Variants in SKI observed in about 807,000 individuals in gnomAD.
SKI encodes the protein SKI proto-oncogene.
SKI carries 23 observed loss-of-function variants against 59.3 expected under a neutral mutation model. The observed-to-expected ratio is 0.39, with a 90% CI of 0.28 to 0.55. The LOEUF is 0.55. Among genes scored for constraint, SKI ranks in the 20% least tolerant of loss-of-function variants. The pLI is 0.67. For synonymous variants in SKI, 673 were observed against 488.6 expected (o/e 1.38, Z -4.98); for missense variants, 1,017 against 1,038.9 (o/e 0.98, Z 0.29).
In SKI at chr1:2,306,667, C is replaced by T. The variant is rs1418245868; in HGVS notation, c.2089C>T (p.His697Tyr). 1.3e-6 allele frequency: 2 copies of T among 1,545,044 alleles called. No individual in the cohort carries two copies. Among genetic ancestry groups the T allele is most frequent in the Non-Finnish European group, 1.7e-6 (2 of 1,145,278 alleles). The change falls in exon 7 of 7, where the codon CAC becomes TAC. Residue 697 changes from histidine to tyrosine, a missense_variant. Physicochemically the swap from His to Tyr is moderately conservative, Grantham distance 83 (BLOSUM62 2). Coordinates refer to ENST00000378536, the MANE Select transcript of SKI (RefSeq NM_003036.4). Reference sequence around the variant, plus strand: ...GCTGCGGGAGCGCGAGGCCCGGGAGCACCTGGAGAAGGTGGTGAAGGAGCT... The same window carrying T: ...GCTGCGGGAGCGCGAGGCCCGGGAGTACCTGGAGAAGGTGGTGAAGGAGCT... Reference protein sequence around the residue: ...DLLREREAREHLEKVVKELQE... With the variant: ...DLLREREAREYLEKVVKELQE...
In SKI at chr1:2,303,225, GGGACATGAA is replaced by G; in HGVS notation, c.1096-58_1096-50del. The G allele has an allele frequency of 6.2e-7, 1 of 1,603,078 alleles. No individual in the cohort carries two copies. The highest frequency in any genetic ancestry group is 8.5e-7 in the Non-Finnish European group (1 of 1,171,748). On this transcript the variant is annotated intron_variant, in intron 2 of 6. Transcript: ENST00000378536. The surrounding 1 kb of genome is among the most constrained non-coding windows in gnomAD (Gnocchi z 5.6). ...AGGGCTGGCACCCGGCGCAGCCTCA[GGGACATGAA>G]GTGGCTTGTTTTTCTCCTGGTCACT... is the stretch of plus-strand genomic sequence containing the variant.
At chr1:2,278,682 G>C (rs1639800393) in intron 1 of SKI, among the ~76,000 whole-genome samples, 1 of 151,616 alleles carries the variant, frequency 6.6e-6, no homozygotes, top group African/African-American at 2.4e-5. Flanking sequence ...AGTCACTGAT[G>C]CCACTCAGGT....
rs1253918328 is a variant in SKI at position 2,270,788 on chromosome 1, GT to G, written c.970-32188del. The stretch of plus-strand genomic sequence containing the variant: ...GGGGCGAGGGCAGGGCTGTTTGGCT[GT>G]TGGACATCCTTGCTGTCCCTTTGCT... On this transcript the variant is annotated intron_variant, in intron 1 of 6. Coordinates refer to ENST00000378536, the MANE Select transcript of SKI (RefSeq NM_003036.4). The surrounding 1 kb of genome is among the most constrained non-coding windows in gnomAD (Gnocchi z 4.1). Among the ~76,000 whole-genome samples, 2 of 152,216 alleles carry G rather than the reference GT, an allele frequency of 1.3e-5. No individual in the cohort carries two copies. Among genetic ancestry groups the G allele is most frequent in the Admixed American group, 6.5e-5 (1 of 15,292 alleles).
rs1179920170 is a variant in SKI, at chr1:2,298,166, A to G, written c.970-4812A>G. Among the ~76,000 whole-genome samples, 3 of 152,322 alleles carry G rather than the reference A, an allele frequency of 2.0e-5. No homozygotes were observed. In the East Asian group the frequency reaches 5.8e-4, roughly 29 times the overall value. ...TGTTCACATGTGAAGCCGGCGTCAC[A>G]AAGGCCTCAATGTCTGTTTCAGCTG... On this transcript the variant is annotated intron_variant, in intron 1 of 6. Coordinates refer to ENST00000378536, the MANE Select transcript of SKI (RefSeq NM_003036.4).
chr1:2,302,807 A>G (rs1438153011), intron 1 of SKI, among the ~76,000 whole-genome samples, 171 bp from the exon 2 acceptor site: 1 of 152,138 alleles, frequency 6.6e-6, no homozygotes, highest in Non-Finnish European at 1.5e-5. Context: ...CCTTTATGCA[A>G]AGTGAACTTG....
rs574945325 is a variant in SKI at position 2,269,419 on chromosome 1, G to A, written c.970-33559G>A. On this transcript the variant is annotated intron_variant, in intron 1 of 6. Transcript: ENST00000378536. This position sits in a 1 kb window ranked among gnomAD's most constrained non-coding sequence, Gnocchi z 4.7. The stretch of plus-strand genomic sequence containing the variant: ...CAGGCCCCCACAGCGTCACTAGTAG[G>A]CCAAGCGGACACTGCGGGACACGTT... 3.8e-4 allele frequency among the ~76,000 whole-genome samples: 58 copies of A among 152,352 alleles called. No individual in the cohort carries two copies. Among genetic ancestry groups the A allele is most frequent in the Non-Finnish European group, 6.6e-4 (45 of 68,032 alleles).
At position 2,297,023 on chromosome 1, in the gene SKI, T is replaced by G. The variant is rs150735965; in HGVS notation, c.970-5955T>G. 3.3e-5 allele frequency among the ~76,000 whole-genome samples: 5 copies of G among 152,034 alleles called. No homozygotes were observed. In the East Asian group the frequency reaches 7.8e-4, roughly 24 times the overall value. ...GGTGGCCTCCCTTGAAAATACTGAA[T>G]GGAGGTGCCAGGCACCCGCACAGGC... On this transcript the variant is annotated intron_variant, in intron 1 of 6. Transcript: ENST00000378536.
At chr1:2,277,632 T>C (rs1639771987) in intron 1 of SKI, among the ~76,000 whole-genome samples, 1 of 152,144 alleles carries the variant, frequency 6.6e-6, no homozygotes, top group South Asian at 2.1e-4. Context: ...GAAAATGGAG[T>C]GCACACACAC....
chr1:2,233,147 C>T (rs987967101), intron 1 of SKI, among the ~76,000 whole-genome samples: 7 of 151,828 alleles, frequency 4.6e-5, no homozygotes, highest in African/African-American at 1.7e-4. Context: ...AGGGTGGTGC[C>T]GTGCTTCCCT....
At chr1:2,306,347 C>T (rs1640577614) in intron 6 of SKI, 97 bp downstream of exon 6, 2 of 1,226,348 alleles carry the variant, frequency 1.6e-6, no homozygotes, top group East Asian at 2.6e-5. Flanking sequence ...GGCCTTGGAG[C>T]AGAAGCCAGG....
At position 2,297,977 on chromosome 1, in the gene SKI, C is replaced by T. The variant is rs189471534; in HGVS notation, c.970-5001C>T. Among the ~76,000 whole-genome samples the T allele has an allele frequency of 4.8e-3, 732 of 152,280 alleles. 3 individuals are homozygous for T. Among genetic ancestry groups the T allele is most frequent in the Non-Finnish European group, 7.7e-3 (527 of 68,020 alleles). On this transcript the variant is annotated intron_variant, in intron 1 of 6. Transcript: ENST00000378536. ...TGTGTGGCAGGCCTTGGGGTGTAGCCGCAAGCTGTGGGTCCATCCCCCCGC... is the reference window on the plus strand; with the variant it reads ...TGTGTGGCAGGCCTTGGGGTGTAGCTGCAAGCTGTGGGTCCATCCCCCCGC...
At chr1:2,274,119 G>A (rs563435363) in intron 1 of SKI, among the ~76,000 whole-genome samples, 3 of 151,698 alleles carry the variant, frequency 2.0e-5, no homozygotes, top group Non-Finnish European at 2.9e-5. Flanking sequence ...AGGTAAGGGG[G>A]ATTGAGGAAG....
intron 1 of SKI, among the ~76,000 whole-genome samples, chr1:2,260,535 CTTTTTTTTTTTTTTTTTT>C (rs3065260): frequency 2.9e-5 from 2 of 67,820 alleles, no homozygotes; most frequent in Non-Finnish European, 5.1e-5. Context: ...TGTTCTTTTT[CTTTTTTTTTTTTTTTTTT>C]TTTTTGAGAC....
In SKI at chr1:2,304,478, G is replaced by A. The variant is rs1557852512; in HGVS notation, c.1660G>A (p.Asp554Asn). 1 of 1,576,312 alleles carries A rather than the reference G, an allele frequency of 6.3e-7. No homozygotes were observed. The part of the protein sequence containing the change: ...HLRQALEGGL[D>N]TKEAKEKFLH... ...GCGGCAGGCACTGGAGGGCGGCCTG[G>A]ACACCAAGGAAGCCAAAGAGAAGTT... The change falls in exon 5 of 7, where the codon GAC (aspartate) becomes AAC (asparagine). Residue 554 changes from aspartate (D) to asparagine (N), a missense_variant. Asp to Asn is a conservative substitution (Grantham distance 23). Coordinates refer to ENST00000378536, the MANE Select transcript of SKI (RefSeq NM_003036.4).
Position 2,267,843 on chromosome 1 carries a change from G to A in SKI, c.970-35135G>A, listed in dbSNP as rs912569658. Among the ~76,000 whole-genome samples the A allele has an allele frequency of 2.0e-5, 3 of 152,208 alleles. No individual in the cohort carries two copies. Among genetic ancestry groups the A allele is most frequent in the East Asian group, 1.9e-4 (1 of 5,194 alleles). ...AGCAGGAACACCTTGCATGCCCTGCGAGATGTGTTTGAAAGTCACACTTTG... is the reference window on the plus strand; with the variant it reads ...AGCAGGAACACCTTGCATGCCCTGCAAGATGTGTTTGAAAGTCACACTTTG... On this transcript the variant is annotated intron_variant, in intron 1 of 6. Transcript: ENST00000378536. This position sits in a 1 kb window ranked among gnomAD's most constrained non-coding sequence, Gnocchi z 4.1.
chr1:2,251,422 C>G (rs1045221540), intron 1 of SKI, among the ~76,000 whole-genome samples: 3 of 152,200 alleles, frequency 2.0e-5, no homozygotes, highest in African/African-American at 2.4e-5. Flanking sequence ...GCTCCCTCCC[C>G]CTGCCCCAGC....
chr1:2,304,213 C>G (rs537515063), intron 4 of SKI, 80 bp from the exon 5 acceptor site: 8 of 1,560,814 alleles, frequency 5.1e-6, no homozygotes, highest in Non-Finnish European at 6.9e-6. Context: ...TCGCAGGTTC[C>G]TCCGGGAGCG....
At chr1:2,297,869 A>G (rs1333428496) in intron 1 of SKI, among the ~76,000 whole-genome samples, 4 of 152,206 alleles carry the variant, frequency 2.6e-5, no homozygotes, top group African/African-American at 9.7e-5. Context: ...ATTCCCCTGG[A>G]GGGTCCCCTT....
chr1:2,274,656 G>A (rs375676997), intron 1 of SKI, among the ~76,000 whole-genome samples: 3 of 152,224 alleles, frequency 2.0e-5, no homozygotes, highest in African/African-American at 7.2e-5. Flanking sequence ...GCCTCATAGC[G>A]GGCAGATACT....
Sources: allele counts gnomAD v4.1 joint callset (sites outside exome capture counted in the v4.1 genomes callset), GRCh38; gene constraint gnomAD v4.1.1; non-coding constraint Gnocchi (gnomAD v3.1); transcripts MANE v1.5; gene names NCBI Gene and HGNC (gene_info 2026-07-23, HGNC 2026-07-21).